Variants in GNAQ observed in about 807,000 individuals in gnomAD.
GNAQ encodes the protein G protein subunit alpha q, also known as guanine nucleotide-binding protein G(q) subunit alpha.
Under a neutral mutation model 43.9 loss-of-function variants are expected in GNAQ, and 8 were observed. The ratio of observed to expected loss-of-function variants is 0.18; its 90% confidence interval spans 0.11 to 0.33. GNAQ has a LOEUF of 0.33. GNAQ is among the 10% of genes least tolerant of loss of function. The probability of loss-of-function intolerance (pLI) is 1.00; values close to 1 mark genes in which losing one functional copy is unlikely to be tolerated. For synonymous variants in GNAQ, 155 were observed against 170.7 expected, an observed-to-expected ratio of 0.91 and a Z score of 0.71; for missense variants, 158 against 450.8, an observed-to-expected ratio of 0.35 and a Z score of 5.88.
In GNAQ at chr9:78,017,969, G is replaced by C. The variant is rs540996005; in HGVS notation, c.136+13131C>G. 3.3e-5 allele frequency among the ~76,000 whole-genome samples: 5 copies of C among 152,104 alleles called. No individual in the cohort carries two copies. The South Asian group carries it at 1.0e-3, about 32-fold the overall frequency. ...TCTAATAATATTGTTCATGATGCTGGAAACTGTATACAATCGTTTCAGAAT... is the reference window on the plus strand; with the variant it reads ...TCTAATAATATTGTTCATGATGCTGCAAACTGTATACAATCGTTTCAGAAT... On this transcript the variant is annotated intron_variant, in intron 1 of 6. Coordinates refer to ENST00000286548, the MANE Select transcript of GNAQ (RefSeq NM_002072.5).
chr9:77,801,254 G>A (rs1372431206), intron 3 of GNAQ, among the ~76,000 whole-genome samples: 1 of 152,142 alleles, frequency 6.6e-6, no homozygotes, highest in Non-Finnish European at 1.5e-5. Flanking sequence ...CTTACAAGGG[G>A]TTAGAGGATA....
intron 2 of GNAQ, among the ~76,000 whole-genome samples, chr9:77,879,803 G>A (rs1828182151): frequency 6.6e-6 from 1 of 152,204 alleles, no homozygotes; most frequent in South Asian, 2.1e-4. Context: ...AAAGAAAACA[G>A]ACCATATCTG....
intron 2 of GNAQ, among the ~76,000 whole-genome samples, chr9:77,823,865 T>C (rs1281538045): frequency 1.3e-5 from 2 of 152,216 alleles, no homozygotes; most frequent in Non-Finnish European, 2.9e-5. Context: ...AGCCAAACCA[T>C]ATCAATGTTG....
At chr9:78,018,821 A>T (rs1474379528) in intron 1 of GNAQ, among the ~76,000 whole-genome samples, 1 of 152,222 alleles carries the variant, frequency 6.6e-6, no homozygotes, top group East Asian at 1.9e-4. Flanking sequence ...TATAAAACAT[A>T]AAGAATATTT....
chr9:77,910,006 T>C (rs902485441), intron 2 of GNAQ, among the ~76,000 whole-genome samples: 9 of 152,148 alleles, frequency 5.9e-5, no homozygotes, highest in African/African-American at 2.2e-4. Context: ...GTTAACAACA[T>C]ACTATTTAAA....
intron 5 of GNAQ, among the ~76,000 whole-genome samples, chr9:77,733,843 G>C (rs1479450589): frequency 1.3e-5 from 2 of 152,200 alleles, no homozygotes; most frequent in African/African-American, 2.4e-5. Flanking sequence ...CAGTAGATCA[G>C]GGAAGGTTTA....
chr9:77,990,603 T>C (rs1244741559), intron 1 of GNAQ, among the ~76,000 whole-genome samples: 1 of 152,190 alleles, frequency 6.6e-6, no homozygotes, highest in Non-Finnish European at 1.5e-5. Context: ...TCAAGAACCC[T>C]GTGGGGTGAA....
intron 5 of GNAQ, among the ~76,000 whole-genome samples, chr9:77,779,650 G>A (rs1218901586): frequency 1.8e-5 from 2 of 111,832 alleles, no homozygotes; most frequent in African/African-American, 3.5e-5. Context: ...AAACAAATAC[G>A]CCTTTAGCCA....
At chr9:78,026,462 G>A (rs950513362) in intron 1 of GNAQ, among the ~76,000 whole-genome samples, 3 of 152,166 alleles carry the variant, frequency 2.0e-5, no homozygotes, top group Non-Finnish European at 4.4e-5. Context: ...CTGACATTCA[G>A]AAACATATTC....
rs373212005 is a variant in GNAQ, at chr9:77,721,374, G to A, written c.1029C>T (p.Ala343=). The part of the protein sequence containing the change: ...DTENIRFVFA[A]VKDTILQLNL... ...TCAACTGGAGGATGGTGTCCTTGAC[G>A]GCAGCAAAGACAAAGCGGATATTCT... The change falls in exon 7 of 7, where the codon GCC becomes GCT. Residue 343 remains alanine, a synonymous_variant. Transcript: ENST00000286548. 77 of 1,613,198 alleles carry A rather than the reference G, an allele frequency of 4.8e-5. No individual in the cohort carries two copies. The Admixed American group carries it at 6.7e-4, about 14-fold the overall frequency.
chr9:77,919,965 C>T (rs996274914), intron 2 of GNAQ, among the ~76,000 whole-genome samples: 1 of 151,976 alleles, frequency 6.6e-6, no homozygotes, highest in Non-Finnish European at 1.5e-5. Context: ...ATGGTGAAAC[C>T]CCGTCTCTAC....
At chr9:78,020,515 C>G (rs1823895127) in intron 1 of GNAQ, among the ~76,000 whole-genome samples, 1 of 152,184 alleles carries the variant, frequency 6.6e-6, no homozygotes, top group Non-Finnish European at 1.5e-5. Flanking sequence ...ACTTGCTCAT[C>G]TCCCAACCCA....
At chr9:77,806,814 G>A (rs1826837887) in intron 3 of GNAQ, among the ~76,000 whole-genome samples, 1 of 152,138 alleles carries the variant, frequency 6.6e-6, no homozygotes. Flanking sequence ...AAGAAAAAAG[G>A]ACACAAATCA....
intron 2 of GNAQ, among the ~76,000 whole-genome samples, chr9:77,904,902 G>T (rs185995792): frequency 6.6e-6 from 1 of 152,184 alleles, no homozygotes; most frequent in African/African-American, 2.4e-5. Context: ...ACACACAGAG[G>T]AAGAAAATAC....
intron 5 of GNAQ, among the ~76,000 whole-genome samples, chr9:77,741,802 C>T (rs1480011585): frequency 6.6e-6 from 1 of 152,184 alleles, no homozygotes; most frequent in Non-Finnish European, 1.5e-5. Flanking sequence ...TAATGAGAGA[C>T]TAATAATAGT....
intron 5 of GNAQ, among the ~76,000 whole-genome samples, chr9:77,761,391 C>A (rs1826017064): frequency 7.0e-5 from 10 of 142,254 alleles, no homozygotes; most frequent in Admixed American, 6.8e-4. Flanking sequence ...CCCGGCCGCC[C>A]CTACTGGGAA....
intron 1 of GNAQ, among the ~76,000 whole-genome samples, chr9:77,960,272 T>C (rs954842262): frequency 6.6e-6 from 1 of 152,174 alleles, no homozygotes; most frequent in Non-Finnish European, 1.5e-5. Flanking sequence ...AGGACTGATA[T>C]TGTTTGGTCA....
rs780163661 is a variant in GNAQ at position 78,031,231 on chromosome 9, G to A, written c.5C>T (p.Thr2Ile). The A allele has an allele frequency of 6.6e-7, 1 of 1,522,340 alleles. No homozygotes were observed. Among genetic ancestry groups the A allele is most frequent in the Admixed American group, 1.9e-5 (1 of 51,536 alleles). 94.3% of individuals were successfully genotyped at this position (1,522,340 alleles called of 1,614,324 possible). A position where few individuals can be genotyped will look rare whatever the true frequency, so the allele number is the denominator to read the frequency against. ...GCAGCACGCCATGATGGACTCCAGA[G>A]TCATTCTTCCAAAGTGCCTCCGCTG... M[T>I]LESIMACCLS... is the part of the protein sequence containing the mutation. The change falls in exon 1 of 7, where the codon ACT becomes ATT. Residue 2 changes from threonine (T) to isoleucine (I), a missense_variant. This residue lies in a region of GNAQ where 12 missense variants were observed against 18.9 expected (regional missense o/e 0.64). Transcript: ENST00000286548.
intron 5 of GNAQ, among the ~76,000 whole-genome samples, chr9:77,743,018 G>A (rs1382972161): frequency 6.6e-6 from 1 of 152,188 alleles, no homozygotes; most frequent in Non-Finnish European, 1.5e-5. Flanking sequence ...CCAGCACTTT[G>A]GGAGGCCAAG....
Sources: gnomAD v4.1 joint callset for allele counts (sites outside exome capture counted in the v4.1 genomes callset) on GRCh38, gnomAD v4.1.1 for gene constraint, gnomAD v4.1.1 regional missense constraint, MANE v1.5 for transcripts, NCBI Gene and HGNC (gene_info 2026-07-23, HGNC 2026-07-21) for gene names.